SUGCT: variants seen among roughly 807,000 people sequenced by gnomAD.
The protein encoded by SUGCT is succinyl-CoA:glutarate CoA-transferase.
Under a neutral mutation model 55.0 loss-of-function variants are expected in SUGCT, and 41 were observed. The observed-to-expected ratio is 0.74, with a 90% confidence interval of 0.58 to 0.97. SUGCT has a LOEUF of 0.97. Ranked by LOEUF, SUGCT falls within the 50% of genes least tolerant of loss-of-function variation. The pLI is 0.00. For missense variants in SUGCT, 568 were observed against 547.8 expected (o/e 1.04, Z -0.37); for synonymous variants, 187 against 200.4 (o/e 0.93, Z 0.56).
chr7:40,453,105 CTGTAATGT>C, intron 10 of SUGCT, among the ~76,000 whole-genome samples: 1 of 152,138 alleles, frequency 6.6e-6, no homozygotes, highest in Admixed American at 6.5e-5. Flanking sequence ...AAAAAGTGAG[CTGTAATGT>C]CAGAGAGAGT....
the SUGCT span, among the ~76,000 whole-genome samples, chr7:40,998,218 A>C: frequency 6.6e-6 from 1 of 152,106 alleles, no homozygotes; most frequent in Non-Finnish European, 1.5e-5. Flanking sequence ...AAATACAAAA[A>C]TAAATTAGCC....
intron 13 of SUGCT, among the ~76,000 whole-genome samples, chr7:40,757,373 C>T (rs1457752377): frequency 6.6e-6 from 1 of 152,296 alleles, no homozygotes; most frequent in African/African-American, 2.4e-5. Flanking sequence ...GGCTTTCATA[C>T]TCTGGGAATT....
chr7:40,641,436 A>C (rs1030523971), intron 12 of SUGCT, among the ~76,000 whole-genome samples: 1 of 152,128 alleles, frequency 6.6e-6, no homozygotes, highest in African/African-American at 2.4e-5. Flanking sequence ...ACCAACAGAG[A>C]AATTAGTTTG....
At chr7:40,599,584 G>A (rs1471064205) in intron 12 of SUGCT, among the ~76,000 whole-genome samples, 10 of 152,010 alleles carry the variant, frequency 6.6e-5, no homozygotes, top group Non-Finnish European at 1.2e-4. Flanking sequence ...CAAACTGCCC[G>A]TCTGATTTTC....
chr7:40,479,208 C>G (rs758612582), intron 11 of SUGCT, among the ~76,000 whole-genome samples: 64 of 152,034 alleles, frequency 4.2e-4, no homozygotes, highest in Non-Finnish European at 1.8e-4. Flanking sequence ...GAAGATATCT[C>G]TTTGAGATAC....
chr7:40,825,885 C>T (rs568976449), intron 13 of SUGCT, among the ~76,000 whole-genome samples: 4 of 152,228 alleles, frequency 2.6e-5, no homozygotes, highest in African/African-American at 4.8e-5. Context: ...CCTACATGCC[C>T]GTATTTATAA....
the SUGCT span, among the ~76,000 whole-genome samples, chr7:40,905,331 A>G: frequency 6.6e-6 from 1 of 152,234 alleles, no homozygotes; most frequent in African/African-American, 2.4e-5. Context: ...TTTTGATTAC[A>G]ACCTGAAGAA....
chr7:40,587,845 T>A (rs1054768373), intron 12 of SUGCT, among the ~76,000 whole-genome samples: 1 of 152,002 alleles, frequency 6.6e-6, no homozygotes, highest in South Asian at 2.1e-4. Flanking sequence ...AAAATGGATA[T>A]CTTTTAAACA....
intron 12 of SUGCT, among the ~76,000 whole-genome samples, chr7:40,720,464 A>C (rs552141764): frequency 7.2e-5 from 11 of 152,320 alleles, no homozygotes; most frequent in African/African-American, 2.4e-4. Context: ...GAGAATACAA[A>C]GACATTTTAT....
At chr7:40,207,529 C>T (rs1473690007) in intron 6 of SUGCT, among the ~76,000 whole-genome samples, 1 of 152,054 alleles carries the variant, frequency 6.6e-6, no homozygotes, top group Non-Finnish European at 1.5e-5. Flanking sequence ...AAAAATTAAA[C>T]ACGGAAGCTG....
At chr7:40,523,639 A>ATC (rs1583893199) in intron 12 of SUGCT, among the ~76,000 whole-genome samples, 2 of 152,022 alleles carry the variant, frequency 1.3e-5, no homozygotes, top group East Asian at 3.9e-4. Flanking sequence ...CTAGGGGAGG[A>ATC]TCTACTTCTT....
At chr7:40,496,437 A>C in intron 12 of SUGCT, 51 bp downstream of exon 12, 1 of 1,227,760 alleles carries the variant, frequency 8.1e-7, no homozygotes, top group Non-Finnish European at 1.2e-6. Context: ...AGATTGACTT[A>C]TATCAAGGTA....
chr7:40,377,345 C>T (rs906808120), intron 9 of SUGCT, among the ~76,000 whole-genome samples: 6 of 150,128 alleles, frequency 4.0e-5, no homozygotes, highest in African/African-American at 7.4e-5. Context: ...CGGATTCAAG[C>T]GATTCTTGTG....
At chr7:40,344,514 G>A (rs892861247) in intron 9 of SUGCT, among the ~76,000 whole-genome samples, 2 of 152,106 alleles carry the variant, frequency 1.3e-5, no homozygotes, top group South Asian at 4.1e-4. Context: ...AAATTTAAAA[G>A]TCCATAAATA....
Position 40,232,739 on chromosome 7 carries a change from G to A in SUGCT, c.485-4896G>A, listed in dbSNP as rs546935820. On this transcript the variant is annotated intron_variant, in intron 6 of 13. Transcript: ENST00000335693. Reference sequence around the variant, plus strand: ...ATAAATGCCACAAGATGGCGAGGTTGCTCCTTAAAATGAATGTGAATTACC... The same window carrying A: ...ATAAATGCCACAAGATGGCGAGGTTACTCCTTAAAATGAATGTGAATTACC... Among the ~76,000 whole-genome samples the A allele has an allele frequency of 9.2e-5, 14 of 152,260 alleles. No individual in the cohort carries two copies. In the South Asian group the frequency reaches 2.7e-3, roughly 29 times the overall value.
chr7:40,499,140 G>A (rs746901286), intron 12 of SUGCT: 14 of 456,438 alleles, frequency 3.1e-5, no homozygotes, highest in African/African-American at 2.2e-4. Context: ...CTCCATGTGC[G>A]CTGTGCCAGC....
chr7:41,019,885 G>A, the SUGCT span, among the ~76,000 whole-genome samples: 169 of 152,268 alleles, frequency 1.1e-3, no homozygotes, highest in African/African-American at 3.8e-3. Context: ...ATTTTAATAA[G>A]CAGTAATCCC....
the SUGCT span, among the ~76,000 whole-genome samples, chr7:40,868,205 A>G: frequency 6.6e-6 from 1 of 152,294 alleles, no homozygotes; most frequent in East Asian, 1.9e-4. Flanking sequence ...CTAAAAAACA[A>G]AACAAAAATA....
At chr7:40,961,801 T>C in the SUGCT span, among the ~76,000 whole-genome samples, 1 of 152,122 alleles carries the variant, frequency 6.6e-6, no homozygotes, top group Non-Finnish European at 1.5e-5. Flanking sequence ...CAGTGAGTGT[T>C]ACAGCTCTTA....
Sources: gnomAD v4.1 joint callset for allele counts (sites outside exome capture counted in the v4.1 genomes callset) on GRCh38, gnomAD v4.1.1 for gene constraint, MANE v1.5 for transcripts, NCBI Gene and HGNC (gene_info 2026-07-23, HGNC 2026-07-21) for gene names.